Variants in CHODL observed in about 807,000 individuals in gnomAD.
CHODL encodes transmembrane protein MT75.
CHODL carries 29 observed loss-of-function variants against 34.5 expected under a neutral mutation model. The observed-to-expected ratio is 0.84, with a 90% CI of 0.63 to 1.15. CHODL has a LOEUF of 1.15. Among genes scored for constraint, CHODL ranks in the 50% most tolerant of loss-of-function variants. The pLI, the probability that CHODL is intolerant of heterozygous loss-of-function variation, is 0.00. For missense variants in CHODL, 332 were observed against 332.5 expected (o/e 1.00, Z 0.01); for synonymous variants, 125 against 116.1 (o/e 1.08, Z -0.49).
At chr21:18,159,142 G>A (rs2073067489) in intron 2 of CHODL, among the ~76,000 whole-genome samples, 1 of 152,186 alleles carries the variant, frequency 6.6e-6, no homozygotes, top group Admixed American at 6.5e-5. Flanking sequence ...TCACCAGCTT[G>A]TGGGTAGAGG....
In CHODL at chr21:18,232,942, G is replaced by GATATATATATAT. The variant is rs371388519; in HGVS notation, c.-44-23548_-44-23537dup. 8.8e-3 allele frequency among the ~76,000 whole-genome samples: 1,050 copies of GATATATATATAT among 119,240 alleles called. 26 individuals carry two copies. The highest frequency in any genetic ancestry group is 0.035 in the African/African-American group (943 of 27,020). The allele number at this position is 119,240 out of a possible 152,430, so 78.2% of individuals were successfully genotyped here. A position where few individuals can be genotyped will look rare whatever the true frequency, so the allele number is the denominator to read the frequency against. ...AATTATGGGGTCCACATGATGTTAT[G>GATATATATATAT]ATATATATATATATATATATATATA... On this transcript the variant is annotated intron_variant, in intron 2 of 6. Transcript: ENST00000400127.
chr21:18,196,331 A>T (rs1029010641), intron 2 of CHODL, among the ~76,000 whole-genome samples: 3 of 152,244 alleles, frequency 2.0e-5, no homozygotes, highest in African/African-American at 4.8e-5. Flanking sequence ...TGATTAAGAT[A>T]AAGTGAAGAG....
At chr21:18,117,712 TAAA>T (rs2065430011) in intron 2 of CHODL, among the ~76,000 whole-genome samples, 1 of 138,614 alleles carries the variant, frequency 7.2e-6, no homozygotes, top group African/African-American at 2.5e-5. Context: ...TAAGATAAAA[TAAA>T]TAAATAAATA....
chr21:17,962,586 A>G (rs970923074), intron 1 of CHODL, among the ~76,000 whole-genome samples: 7 of 152,198 alleles, frequency 4.6e-5, no homozygotes, highest in Non-Finnish European at 8.8e-5. Flanking sequence ...CATACCTGGG[A>G]ACAAGGAGTT....
intron 1 of CHODL, among the ~76,000 whole-genome samples, chr21:17,942,698 T>C (rs1194140504): frequency 6.6e-6 from 1 of 152,228 alleles, no homozygotes; most frequent in Non-Finnish European, 1.5e-5. Context: ...TATATGTCCA[T>C]GTGGGTAAGC....
intron 1 of CHODL, among the ~76,000 whole-genome samples, chr21:18,248,345 T>C (rs2074169280): frequency 6.6e-6 from 1 of 151,460 alleles, no homozygotes; most frequent in Non-Finnish European, 1.5e-5. Flanking sequence ...AACTAATCTA[T>C]GACATCATCA....
intron 2 of CHODL, among the ~76,000 whole-genome samples, chr21:18,169,618 T>G (rs1397204991): frequency 6.6e-6 from 1 of 152,208 alleles, no homozygotes; most frequent in East Asian, 1.9e-4. Context: ...ATTTCTGCTG[T>G]AATCTTTACT....
chr21:17,994,225 C>T (rs2063825632), intron 1 of CHODL, among the ~76,000 whole-genome samples: 1 of 152,082 alleles, frequency 6.6e-6, no homozygotes. Flanking sequence ...TGGGCTCTGG[C>T]AGTGTTAGTT....
intron 2 of CHODL, among the ~76,000 whole-genome samples, chr21:18,063,988 TAACCA>T (rs2064700831): frequency 6.6e-6 from 1 of 152,204 alleles, no homozygotes; most frequent in Non-Finnish European, 1.5e-5. Flanking sequence ...CCCTGTTTCC[TAACCA>T]AACTTGCTTT....
chr21:17,970,501 A>C (rs949015875), intron 1 of CHODL, among the ~76,000 whole-genome samples: 1 of 152,138 alleles, frequency 6.6e-6, no homozygotes, highest in Non-Finnish European at 1.5e-5. Flanking sequence ...TTTTTCTAGA[A>C]TATTACTCCA....
chr21:18,196,725 A>G (rs904801432), intron 2 of CHODL, among the ~76,000 whole-genome samples: 1 of 152,188 alleles, frequency 6.6e-6, no homozygotes, highest in Non-Finnish European at 1.5e-5. Flanking sequence ...ATAGGATTTT[A>G]TGGTTATTAT....
intron 1 of CHODL, among the ~76,000 whole-genome samples, chr21:18,008,179 A>G (rs2063978087): frequency 6.6e-6 from 1 of 152,014 alleles, no homozygotes; most frequent in East Asian, 1.9e-4. Flanking sequence ...TGAAGTATAT[A>G]CTTGATATAC....
chr21:18,084,108 G>A (rs2064974709), intron 2 of CHODL, among the ~76,000 whole-genome samples: 2 of 152,170 alleles, frequency 1.3e-5, no homozygotes, highest in South Asian at 2.1e-4. Context: ...TACTGTTCTT[G>A]TGATAATGAG....
intron 2 of CHODL, among the ~76,000 whole-genome samples, chr21:18,191,538 T>C (rs1458055756): frequency 6.6e-6 from 1 of 152,202 alleles, no homozygotes; most frequent in East Asian, 1.9e-4. Flanking sequence ...CTTGTCTTTC[T>C]CTGATGATTA....
intron 1 of CHODL, among the ~76,000 whole-genome samples, chr21:18,007,120 G>A: frequency 6.6e-6 from 1 of 152,066 alleles, no homozygotes; most frequent in East Asian, 1.9e-4. Context: ...GTGTGGAATT[G>A]AATTTTAAAA....
rs149738029 is a variant in CHODL, at chr21:17,978,805, T to A, written c.-144-49067T>A. ...CTCTTAATGGGGGGCTCTGGGAAGA[T>A]TCCACTTCCAGGCCCATTCATATTG... is the stretch of plus-strand genomic sequence containing the variant. On this transcript the variant is annotated intron_variant, in intron 1 of 6. Coordinates refer to the CHODL transcript ENST00000400127. Among the ~76,000 whole-genome samples the A allele has an allele frequency of 9.9e-3, 1,510 of 152,148 alleles. 24 individuals are homozygous for A. Among genetic ancestry groups the A allele is most frequent in the African/African-American group, 0.029 (1,187 of 41,508 alleles).
intron 2 of CHODL, among the ~76,000 whole-genome samples, chr21:18,207,280 A>G (rs2073723052): frequency 6.6e-6 from 1 of 152,134 alleles, no homozygotes; most frequent in Non-Finnish European, 1.5e-5. Flanking sequence ...AATCCAGTCT[A>G]TCATATAACC....
chr21:18,174,566 G>A (rs2073283557), intron 2 of CHODL, among the ~76,000 whole-genome samples: 1 of 152,070 alleles, frequency 6.6e-6, no homozygotes, highest in African/African-American at 2.4e-5. Context: ...AATTATTGCT[G>A]ACAGGGCTTT....
chr21:18,259,463 T>A (rs1314199136), intron 3 of CHODL, among the ~76,000 whole-genome samples: 1 of 152,176 alleles, frequency 6.6e-6, no homozygotes, highest in African/African-American at 2.4e-5. Context: ...CACCGCACCA[T>A]GGCACACGTT....
Sources: gnomAD v4.1 joint callset for allele counts (sites outside exome capture counted in the v4.1 genomes callset) on GRCh38, gnomAD v4.1.1 for gene constraint, MANE v1.5 for transcripts, NCBI Gene and HGNC (gene_info 2026-07-23, HGNC 2026-07-21) for gene names.